Variants in CALCR observed in about 807,000 individuals in gnomAD.
CALCR encodes calcitonin receptor.
CALCR carries 47 observed loss-of-function variants against 59.5 expected under a neutral mutation model. That is an observed-to-expected ratio of 0.79 (90% confidence interval 0.63 to 1.01). The LOEUF is 1.01. CALCR is among the 50% of genes least tolerant of loss of function. The probability of loss-of-function intolerance (pLI) is 0.00; values close to 1 mark genes in which losing one functional copy is unlikely to be tolerated. For missense variants in CALCR, 566 were observed against 597.1 expected (o/e 0.95, Z 0.54); for synonymous variants, 213 against 211.3 (o/e 1.01, Z -0.07).
intron 12 of CALCR, among the ~76,000 whole-genome samples, chr7:93,435,561 G>A (rs1799754169): frequency 6.6e-6 from 1 of 152,082 alleles, no homozygotes; most frequent in Admixed American, 6.6e-5. Flanking sequence ...GCTCACACCT[G>A]TAATCCCAGG....
intron 2 of CALCR, among the ~76,000 whole-genome samples, chr7:93,491,007 T>C (rs769032332): frequency 6.6e-6 from 1 of 151,970 alleles, no homozygotes; most frequent in Non-Finnish European, 1.5e-5. Flanking sequence ...CTTCAAACTA[T>C]GCTATAAGGC....
chr7:93,480,284 G>T (rs1391439716), intron 3 of CALCR, among the ~76,000 whole-genome samples: 1 of 151,772 alleles, frequency 6.6e-6, no homozygotes, highest in African/African-American at 2.4e-5. Context: ...CCTAACTTGT[G>T]TTTATAAAGA....
intron 8 of CALCR, among the ~76,000 whole-genome samples, chr7:93,460,585 A>ATATATG (rs1554397810): frequency 9.2e-6 from 1 of 108,572 alleles, no homozygotes; most frequent in East Asian, 3.3e-4. Context: ...ATATATATAT[A>ATATATG]TATATATGTA....
At chr7:93,500,509 T>G (rs1801300243) in intron 2 of CALCR, among the ~76,000 whole-genome samples, 3 of 152,006 alleles carry the variant, frequency 2.0e-5, no homozygotes, top group African/African-American at 4.8e-5. Flanking sequence ...CAATACTTAC[T>G]AGCAATAAAC....
chr7:93,454,916 TTGTGTGTG>T lies in CALCR; in HGVS notation c.648+5897_648+5904del, dbSNP rs4015273. The stretch of plus-strand genomic sequence containing the variant: ...CCACTGACAGTGAGGACAGGGCATT[TTGTGTGTG>T]TGTGTGTGTGTGTGTGTGTGTGTGT... On this transcript the variant is annotated intron_variant, in intron 8 of 13. Coordinates refer to ENST00000426151, the MANE Select transcript of CALCR (RefSeq NM_001742.4). Among the ~76,000 whole-genome samples the T allele has an allele frequency of 1.9e-3, 282 of 144,988 alleles. 1 individual carries two copies. The South Asian group carries it at 0.02, about 10-fold the overall frequency.
intron 13 of CALCR, among the ~76,000 whole-genome samples, chr7:93,430,388 G>A (rs1799633981): frequency 6.6e-6 from 1 of 152,126 alleles, no homozygotes; most frequent in African/African-American, 2.4e-5. Flanking sequence ...ACTGGTCTCT[G>A]ATTTTATCTT....
intron 3 of CALCR, among the ~76,000 whole-genome samples, chr7:93,482,194 T>A (rs17788312): frequency 0.53 from 80,288 of 151,640 alleles, 21,552 homozygotes; most frequent in East Asian, 0.69. Context: ...ATTACTCAAC[T>A]TTTGTATGAA....
chr7:93,433,805 T>G (rs1304004969), intron 13 of CALCR, among the ~76,000 whole-genome samples: 1 of 152,220 alleles, frequency 6.6e-6, no homozygotes, highest in Non-Finnish European at 1.5e-5. Flanking sequence ...TTTTTGAATC[T>G]TCACTTCAGG....
At chr7:93,516,504 G>A (rs1801654113) in intron 2 of CALCR, among the ~76,000 whole-genome samples, 1 of 151,820 alleles carries the variant, frequency 6.6e-6, no homozygotes, top group African/African-American at 2.4e-5. Flanking sequence ...ATTGTGGATT[G>A]CTATGCAGCA....
intron 2 of CALCR, among the ~76,000 whole-genome samples, chr7:93,531,534 GA>G (rs1434212293): frequency 6.6e-6 from 1 of 152,064 alleles, no homozygotes; most frequent in Non-Finnish European, 1.5e-5. Context: ...TGTCAATCTA[GA>G]GAGCTAACAT....
chr7:93,515,366 T>C (rs961603271), intron 2 of CALCR, among the ~76,000 whole-genome samples: 7 of 151,982 alleles, frequency 4.6e-5, no homozygotes, highest in Admixed American at 1.3e-4. Context: ...CTCATTGTGT[T>C]TGTGGCAAAG....
intron 13 of CALCR, among the ~76,000 whole-genome samples, chr7:93,429,475 A>T (rs1246723591): frequency 1.3e-5 from 2 of 152,166 alleles, no homozygotes; most frequent in African/African-American, 4.8e-5. Context: ...TCCTGATTAT[A>T]TCTATTTATG....
intron 2 of CALCR, among the ~76,000 whole-genome samples, chr7:93,489,868 T>G (rs1173454507): frequency 6.6e-6 from 1 of 151,562 alleles, no homozygotes; most frequent in Non-Finnish European, 1.5e-5. Context: ...GAAACTATTC[T>G]GAAGAATTGA....
chr7:93,548,880 CTG>C (rs935827675), intron 2 of CALCR, among the ~76,000 whole-genome samples: 1 of 50,766 alleles, frequency 2.0e-5, no homozygotes, highest in Non-Finnish European at 5.4e-5. Flanking sequence ...GTGTGTGTGT[CTG>C]TGTGTGTGTA....
intron 3 of CALCR, among the ~76,000 whole-genome samples, chr7:93,481,840 C>T (rs1486631387): frequency 6.6e-6 from 1 of 151,874 alleles, no homozygotes; most frequent in African/African-American, 2.4e-5. Context: ...AAATCCTTTA[C>T]CAGTGTAGCT....
rs151167682 is a variant in CALCR at position 93,518,843 on chromosome 7, C to T, written c.-26-31836G>A. ...TTAATATTTATAGTTTTATGCCATT[C>T]GTGTTTCTAATAAACATACATTTAC... is the stretch of plus-strand genomic sequence containing the variant. On this transcript the variant is annotated intron_variant, in intron 2 of 13. Coordinates refer to ENST00000426151, the MANE Select transcript of CALCR (RefSeq NM_001742.4). 7.5e-3 allele frequency among the ~76,000 whole-genome samples: 1,133 copies of T among 151,790 alleles called. 10 individuals carry two copies. Among genetic ancestry groups the T allele is most frequent in the Non-Finnish European group, 0.011 (762 of 67,806 alleles).
At chr7:93,522,123 A>C (rs560899677) in intron 2 of CALCR, among the ~76,000 whole-genome samples, 47 of 152,258 alleles carry the variant, frequency 3.1e-4, no homozygotes, top group Non-Finnish European at 6.2e-4. Context: ...TTTTTTAAAC[A>C]CAGCATGAGG....
chr7:93,525,506 C>A (rs118104213), intron 2 of CALCR, among the ~76,000 whole-genome samples: 1 of 152,108 alleles, frequency 6.6e-6, no homozygotes. Flanking sequence ...CAGAGCAGGT[C>A]ATGGTGTGTA....
At chr7:93,477,767 A>C (rs1299096038) in intron 4 of CALCR, 99 bp from the exon 5 acceptor site, 26 of 686,790 alleles carry the variant, frequency 3.8e-5, no homozygotes, top group East Asian at 5.5e-5. Context: ...AGCTCACTAC[A>C]CCAGTCATAA....
Sources: allele counts gnomAD v4.1 joint callset (sites outside exome capture counted in the v4.1 genomes callset), GRCh38; gene constraint gnomAD v4.1.1; transcripts MANE v1.5; gene names NCBI Gene and HGNC (gene_info 2026-07-23, HGNC 2026-07-21).